The following RAD51B variants were observed in gnomAD, a reference collection of about 807,000 sequenced individuals.
RAD51B encodes the protein DNA repair protein RAD51 homolog 2.
Under a neutral mutation model 42.2 loss-of-function variants are expected in RAD51B, and 38 were observed. The observed-to-expected ratio is 0.90, with a 90% CI of 0.70 to 1.18. The LOEUF is 1.18. RAD51B is among the 50% of genes most tolerant of loss of function. The probability of loss-of-function intolerance (pLI) is 0.00; values close to 1 mark genes in which losing one functional copy is unlikely to be tolerated. For synonymous variants in RAD51B, 154 were observed against 145.2 expected, an observed-to-expected ratio of 1.06 and a Z score of -0.43; for missense variants, 373 against 400.7, an observed-to-expected ratio of 0.93 and a Z score of 0.59.
At chr14:68,159,173 G>C (rs2078581917) in intron 7 of RAD51B, among the ~76,000 whole-genome samples, 1 of 151,770 alleles carries the variant, frequency 6.6e-6, no homozygotes, top group African/African-American at 2.4e-5. Flanking sequence ...GCCATGAGTT[G>C]ACAATTATTA....
intron 3 of RAD51B, among the ~76,000 whole-genome samples, chr14:67,828,414 G>A (rs930370468): frequency 6.6e-6 from 1 of 151,656 alleles, no homozygotes; most frequent in African/African-American, 2.4e-5. Flanking sequence ...CGGATGGATA[G>A]ATTGAAAAAA....
chr14:68,673,532 A>G (rs1318389523), intron 11 of RAD51B, among the ~76,000 whole-genome samples: 1 of 151,688 alleles, frequency 6.6e-6, no homozygotes, highest in Non-Finnish European at 1.5e-5. Flanking sequence ...ACGCGCACAC[A>G]CATACACATA....
chr14:68,460,789 G>A (rs2085825462), intron 9 of RAD51B, among the ~76,000 whole-genome samples: 1 of 152,124 alleles, frequency 6.6e-6, no homozygotes, highest in Admixed American at 6.5e-5. Flanking sequence ...TTGACTTTGG[G>A]CCTGGCCAAG....
intron 10 of RAD51B, among the ~76,000 whole-genome samples, chr14:68,518,030 C>T (rs1594935738): frequency 1.3e-5 from 2 of 152,260 alleles, no homozygotes; most frequent in East Asian, 3.9e-4. Context: ...CCCTCAACTC[C>T]AGTCTAGAAG....
At chr14:68,342,928 G>A (rs542575137) in intron 8 of RAD51B, among the ~76,000 whole-genome samples, 85 of 150,818 alleles carry the variant, frequency 5.6e-4, no homozygotes, top group Admixed American at 4.2e-3. Context: ...AAATCCTGGA[G>A]TTACCTGCTC....
chr14:67,980,874 A>C (rs1208170808), intron 7 of RAD51B, among the ~76,000 whole-genome samples: 1 of 152,186 alleles, frequency 6.6e-6, no homozygotes, highest in Non-Finnish European at 1.5e-5. Flanking sequence ...TAAAAGAACA[A>C]ATTGATAAGT....
chr14:68,362,815 C>G (rs1712059351), intron 8 of RAD51B, among the ~76,000 whole-genome samples: 1 of 151,542 alleles, frequency 6.6e-6, no homozygotes, highest in African/African-American at 2.4e-5. Context: ...TGCCGCTGCA[C>G]TCCAGCCTGG....
At chr14:67,996,296 C>G (rs1009819964) in intron 7 of RAD51B, among the ~76,000 whole-genome samples, 4 of 151,512 alleles carry the variant, frequency 2.6e-5, no homozygotes, top group Non-Finnish European at 5.9e-5. Flanking sequence ...CGTGGGAGCC[C>G]GAGGCAGGAA....
chr14:68,600,503 G>A (rs996377776), downstream of RAD51B, among the ~76,000 whole-genome samples: 2 of 152,236 alleles, frequency 1.3e-5, no homozygotes, highest in Non-Finnish European at 2.9e-5. Flanking sequence ...CACAGGGCTC[G>A]GCATTGGCAG....
chr14:68,627,479 G>T (rs1489729526), intron 10 of RAD51B: 2 of 152,220 alleles, frequency 1.3e-5, no homozygotes, highest in Non-Finnish European at 2.9e-5. Flanking sequence ...CCCCTGACTT[G>T]TCTGATGGGG....
rs187342730 is a variant in RAD51B at position 68,666,767 on chromosome 14, A to G, written c.*11+15911A>G. 4.1e-3 allele frequency among the ~76,000 whole-genome samples: 622 copies of G among 152,310 alleles called. 2 individuals are homozygous for G. The highest frequency in any genetic ancestry group is 7.7e-3 in the Non-Finnish European group (521 of 68,030). On this transcript the variant is annotated intron_variant, in intron 11 of 11. Coordinates refer to the RAD51B transcript ENST00000488612. ...CCTTTTCCTATGAAATAATAAAAATATTTACTCATCATGAAATTACTTTCT... is the reference window on the plus strand; with the variant it reads ...CCTTTTCCTATGAAATAATAAAAATGTTTACTCATCATGAAATTACTTTCT...
At chr14:68,645,281 G>A (rs187432629) in intron 10 of RAD51B, among the ~76,000 whole-genome samples, 11 of 152,268 alleles carry the variant, frequency 7.2e-5, no homozygotes, top group Non-Finnish European at 1.3e-4. Flanking sequence ...ATTTTACTTA[G>A]CATAATGTCC....
chr14:68,321,604 G>A (rs2082158111), intron 8 of RAD51B, among the ~76,000 whole-genome samples: 1 of 152,176 alleles, frequency 6.6e-6, no homozygotes, highest in African/African-American at 2.4e-5. Flanking sequence ...TTGGTACCCA[G>A]AGAGGCAGCA....
chr14:68,216,130 G>T (rs1167390181), intron 7 of RAD51B, among the ~76,000 whole-genome samples: 1 of 152,196 alleles, frequency 6.6e-6, no homozygotes, highest in African/African-American at 2.4e-5. Flanking sequence ...AGTCAGTGAG[G>T]TTCAATGCAA....
At chr14:67,861,576 T>TAA (rs34392333) in intron 4 of RAD51B, among the ~76,000 whole-genome samples, 191 of 138,712 alleles carry the variant, frequency 1.4e-3, no homozygotes, top group Middle Eastern at 7.3e-3. Context: ...AACCTGTCTT[T>TAA]AAAAAAAAAA....
At chr14:68,196,046 A>G (rs1213481063) in intron 7 of RAD51B, among the ~76,000 whole-genome samples, 1 of 151,788 alleles carries the variant, frequency 6.6e-6, no homozygotes, top group Non-Finnish European at 1.5e-5. Context: ...TACTAAAAAT[A>G]CAAAAAGATT....
At chr14:68,366,007 T>C (rs1225825183) in intron 8 of RAD51B, among the ~76,000 whole-genome samples, 1 of 152,226 alleles carries the variant, frequency 6.6e-6, no homozygotes, top group Non-Finnish European at 1.5e-5. Flanking sequence ...CACAGAGCAA[T>C]TCAAAGACTA....
chr14:67,987,798 C>G (rs142905972), intron 7 of RAD51B, among the ~76,000 whole-genome samples: 9 of 152,302 alleles, frequency 5.9e-5, no homozygotes, highest in African/African-American at 1.7e-4. Context: ...GGCTGACATT[C>G]ACCATATTGT....
chr14:68,042,396 C>T (rs1467343156), intron 7 of RAD51B, among the ~76,000 whole-genome samples: 1 of 152,062 alleles, frequency 6.6e-6, no homozygotes, highest in African/African-American at 2.4e-5. Context: ...TGAAAGAAAA[C>T]TATATTATTC....
Sources: gnomAD v4.1 joint callset for allele counts (sites outside exome capture counted in the v4.1 genomes callset) on GRCh38, gnomAD v4.1.1 for gene constraint, MANE v1.5 for transcripts, NCBI Gene and HGNC (gene_info 2026-07-23, HGNC 2026-07-21) for gene names.